Variants in GLIS3 observed in about 807,000 individuals in gnomAD.
GLIS3 encodes the protein GLIS family zinc finger 3, also known as zinc finger protein GLIS3.
A neutral mutation model predicts 78.6 loss-of-function variants in GLIS3; 53 were observed. The observed-to-expected ratio is 0.67, with a 90% CI of 0.54 to 0.85. The LOEUF (loss-of-function observed/expected upper bound fraction) is 0.85. Ranked by LOEUF, GLIS3 falls within the 40% of genes least tolerant of loss-of-function variation. GLIS3 has a pLI of 0.00. For synonymous variants in GLIS3, 684 were observed against 509.9 expected (o/e 1.34, Z -4.60); for missense variants, 1,703 against 1,231.1 (o/e 1.38, Z -5.74).
At chr9:4,092,197 A>C (rs942057221) in intron 4 of GLIS3, among the ~76,000 whole-genome samples, 2 of 146,232 alleles carry the variant, frequency 1.4e-5, no homozygotes, top group Non-Finnish European at 3.0e-5. Context: ...TGTTGCTCAG[A>C]CTGGAGTGGA....
At position 4,247,921 on chromosome 9, in the gene GLIS3, A is replaced by T. The variant is rs75385796; in HGVS notation, c.388+38117T>A. Among the ~76,000 whole-genome samples the T allele has an allele frequency of 3.7e-4, 57 of 152,236 alleles. 3 individuals are homozygous for T. In the East Asian group the frequency reaches 9.3e-3, roughly 25 times the overall value. On this transcript the variant is annotated intron_variant, in intron 2 of 10. Coordinates refer to ENST00000381971, the MANE Select transcript of GLIS3 (RefSeq NM_001042413.2). ...TGGTGATACATTTGAAATTACTCTC[A>T]GTTATTTTGAAATATACAACATATT...
chr9:4,471,766 T>TA, the GLIS3 span, among the ~76,000 whole-genome samples: 1 of 152,070 alleles, frequency 6.6e-6, no homozygotes, highest in African/African-American at 2.4e-5. Flanking sequence ...GGGATCTAAT[T>TA]AAACTAAAGA....
At chr9:4,455,928 C>A in the GLIS3 span, among the ~76,000 whole-genome samples, 1 of 152,062 alleles carries the variant, frequency 6.6e-6, no homozygotes, top group African/African-American at 2.4e-5. Flanking sequence ...GCCTGGCCTA[C>A]ATGGTGAAGC....
At chr9:4,197,022 A>T (rs889906690) in intron 2 of GLIS3, among the ~76,000 whole-genome samples, 4 of 152,078 alleles carry the variant, frequency 2.6e-5, no homozygotes, top group African/African-American at 9.7e-5. Flanking sequence ...ACGGACATAG[A>T]TCGTGGTGCA....
intron 2 of GLIS3, among the ~76,000 whole-genome samples, chr9:4,233,349 T>A (rs1822439354): frequency 6.6e-6 from 1 of 152,214 alleles, no homozygotes; most frequent in South Asian, 2.1e-4. Flanking sequence ...AACTGAAAGT[T>A]GAAATTACTC....
intron 2 of GLIS3, among the ~76,000 whole-genome samples, chr9:4,236,198 A>AG (rs1822726082): frequency 2.0e-5 from 3 of 147,338 alleles, no homozygotes; most frequent in Non-Finnish European, 3.0e-5. Context: ...AAAAAAAAAA[A>AG]AAAAAAAAAG....
intron 2 of GLIS3, among the ~76,000 whole-genome samples, chr9:4,194,820 A>C (rs1433647778): frequency 1.8e-4 from 28 of 152,192 alleles, no homozygotes; most frequent in Non-Finnish European, 1.2e-4. Flanking sequence ...CCTGGAGCTA[A>C]CTTAGGGAGA....
chr9:4,361,512 T>C, the GLIS3 span, among the ~76,000 whole-genome samples: 1 of 152,222 alleles, frequency 6.6e-6, no homozygotes, highest in South Asian at 2.1e-4. Flanking sequence ...TAATCAATAG[T>C]GTTCTGCATG....
intron 2 of GLIS3, among the ~76,000 whole-genome samples, chr9:4,339,465 C>T (rs561056729): frequency 1.3e-5 from 2 of 152,086 alleles, no homozygotes; most frequent in South Asian, 4.2e-4. Context: ...GTTCAAACTG[C>T]CAATCTGTTA....
Position 3,932,400 on chromosome 9 carries a change from A to C in GLIS3, c.1943T>G (p.Val648Gly). ...TTGCTCTTTGGAAGAATGTGCCTTC[A>C]CATGCTTTCTTAGGGAACTTGGGTC... ...YTDPSSLRKH[V>G]KAHSSKEQQA... The change falls in exon 6 of 11, where the codon GTG becomes GGG. Residue 648 changes from valine to glycine, a missense_variant. Val to Gly is a moderately radical substitution (Grantham distance 109, BLOSUM62 -3). Transcript: ENST00000381971. The C allele has an allele frequency of 6.2e-7, 1 of 1,613,860 alleles. No homozygotes were observed. The highest frequency in any genetic ancestry group is 8.5e-7 in the Non-Finnish European group (1 of 1,179,832).
At chr9:4,258,093 A>G (rs894047248) in intron 2 of GLIS3, among the ~76,000 whole-genome samples, 3 of 152,196 alleles carry the variant, frequency 2.0e-5, no homozygotes, top group Non-Finnish European at 4.4e-5. Context: ...CTAGAACAGC[A>G]GTAGGGCTAG....
At chr9:3,952,594 T>C (rs953022543) in intron 4 of GLIS3, among the ~76,000 whole-genome samples, 1 of 152,196 alleles carries the variant, frequency 6.6e-6, no homozygotes. Flanking sequence ...AGGTGCTCCA[T>C]GCGTGAAAAT....
At chr9:4,329,101 C>T (rs959989299) in intron 2 of GLIS3, among the ~76,000 whole-genome samples, 1 of 152,170 alleles carries the variant, frequency 6.6e-6, no homozygotes, top group Non-Finnish European at 1.5e-5. Context: ...AGACCTTTTT[C>T]AATCCACCAA....
intron 4 of GLIS3, among the ~76,000 whole-genome samples, chr9:4,111,852 G>A (rs1831239637): frequency 6.6e-6 from 1 of 152,202 alleles, no homozygotes. Context: ...GATGTTCACT[G>A]GTGGTGTTTC....
chr9:4,264,896 G>A (rs1825841241), intron 2 of GLIS3, among the ~76,000 whole-genome samples: 1 of 152,120 alleles, frequency 6.6e-6, no homozygotes, highest in South Asian at 2.1e-4. Context: ...GCCAGGCACA[G>A]TGGCTCACGC....
intron 6 of GLIS3, 77 bp downstream of exon 6, chr9:3,932,283 C>A: frequency 9.2e-7 from 1 of 1,089,296 alleles, no homozygotes; most frequent in Admixed American, 1.7e-5. Context: ...ATTTCAAGTG[C>A]CCTGCAGAAG....
intron 4 of GLIS3, among the ~76,000 whole-genome samples, chr9:4,023,139 A>T (rs1293040510): frequency 6.6e-6 from 1 of 152,228 alleles, no homozygotes; most frequent in Non-Finnish European, 1.5e-5. Context: ...AACTCCAGTG[A>T]TCAAATCTTT....
chr9:4,190,557 T>C (rs1421252096), intron 2 of GLIS3, among the ~76,000 whole-genome samples: 1 of 145,884 alleles, frequency 6.9e-6, no homozygotes, highest in Non-Finnish European at 1.5e-5. Context: ...TACGTCTGAT[T>C]GGTGTACCTG....
chr9:4,062,191 T>C (rs944861188), intron 4 of GLIS3, among the ~76,000 whole-genome samples: 1 of 152,244 alleles, frequency 6.6e-6, no homozygotes, highest in African/African-American at 2.4e-5. Flanking sequence ...CACAGTCATA[T>C]TAAAATGATA....
Sources: gnomAD v4.1 joint callset for allele counts (sites outside exome capture counted in the v4.1 genomes callset) on GRCh38, gnomAD v4.1.1 for gene constraint, MANE v1.5 for transcripts, NCBI Gene and HGNC (gene_info 2026-07-23, HGNC 2026-07-21) for gene names.